CPSF4: variants seen among roughly 807,000 people sequenced by gnomAD.
CPSF4 encodes the protein cleavage and polyadenylation specific factor 4.
Under a neutral mutation model 37.7 loss-of-function variants are expected in CPSF4, and 11 were observed. That is an observed-to-expected ratio of 0.29 (90% CI 0.18 to 0.48). The LOEUF is 0.48. CPSF4 is among the 20% of genes least tolerant of loss of function. CPSF4 has a pLI of 0.99. For missense variants in CPSF4, 144 were observed against 359.5 expected, an observed-to-expected ratio of 0.40 and a Z score of 4.85; for synonymous variants, 132 against 135.9, an observed-to-expected ratio of 0.97 and a Z score of 0.20.
intron 2 of CPSF4, among the ~76,000 whole-genome samples, chr7:99,445,368 C>A (rs549299387): frequency 6.6e-6 from 1 of 151,946 alleles, no homozygotes. Flanking sequence ...GAGCCGAGAT[C>A]GTGCCATTGC....
At chr7:99,439,312 TC>T in intron 1 of CPSF4, 127 bp downstream of exon 1, 1 of 636,278 alleles carries the variant, frequency 1.6e-6, no homozygotes, top group Non-Finnish European at 2.6e-6. Context: ...CTGGGACCCC[TC>T]CCCTTTGGTC....
chr7:99,439,057 G>T lies in CPSF4; in HGVS notation c.-26G>T. On this transcript the variant is annotated 5_prime_UTR_variant, in exon 1 of 8. Transcript: ENST00000292476. The stretch of plus-strand genomic sequence containing the variant: ...GGCTGCAGGAGACCGAGGGGGAGCC[G>T]GGCCGGTGGGGCCGCCGCCGCCGCC... The T allele has an allele frequency of 1.9e-6, 3 of 1,593,140 alleles. No individual in the cohort carries two copies. Among genetic ancestry groups the T allele is most frequent in the Non-Finnish European group, 2.6e-6 (3 of 1,171,266 alleles).
chr7:99,452,019 G>C (rs949488453), intron 5 of CPSF4, among the ~76,000 whole-genome samples: 6 of 152,188 alleles, frequency 3.9e-5, no homozygotes, highest in Non-Finnish European at 7.4e-5. Flanking sequence ...CTGCGGGGAG[G>C]GGGGCTTCCC....
chr7:99,454,949 G>C (rs1321805874), intron 7 of CPSF4, among the ~76,000 whole-genome samples: 1 of 152,124 alleles, frequency 6.6e-6, no homozygotes, highest in East Asian at 1.9e-4. Flanking sequence ...CAGCTACTGG[G>C]GAGGCTTAGA....
chr7:99,440,491 G>C (rs1467396844), intron 1 of CPSF4, among the ~76,000 whole-genome samples: 1 of 151,524 alleles, frequency 6.6e-6, no homozygotes, highest in Admixed American at 6.6e-5. Context: ...TGGGACCACA[G>C]GCATGCACCA....
Position 99,454,007 on chromosome 7 carries a change from C to CCAGT in CPSF4, c.613_616dup (p.Leu206SerfsTer110). ...CATTACAAAGGTCGTCCTCCTTGAT[C>CCAGT]CAGTTAACGAGTCAGAACTCTTCTC... On this transcript the variant is annotated frameshift_variant, in exon 7 of 8. Coordinates refer to ENST00000292476, the MANE Select transcript of CPSF4 (RefSeq NM_006693.4). LOFTEE classifies it high-confidence loss of function. 1 of 1,614,214 alleles carries CCAGT rather than the reference C, an allele frequency of 6.2e-7. No individual in the cohort carries two copies. Among genetic ancestry groups the CCAGT allele is most frequent in the Non-Finnish European group, 8.5e-7 (1 of 1,180,030 alleles).
rs1472070192 is a variant in CPSF4 at position 99,444,805 on chromosome 7, CTG to C, written c.123_124del (p.Cys41Ter). ...TTTCTACAGAGTCGGGCGCTGCTGTCTGTGAATTCTTTTTGAAAGCTGCCTGC... is the reference window on the plus strand; with the variant it reads ...TTTCTACAGAGTCGGGCGCTGCTGTCTGAATTCTTTTTGAAAGCTGCCTGC... ...PGMDKSGAAV[C>X]EFFLKAACGK... is the part of the protein sequence containing the mutation. On this transcript the variant is annotated frameshift_variant, in exon 2 of 8. Coordinates refer to ENST00000292476, the MANE Select transcript of CPSF4 (RefSeq NM_006693.4). LOFTEE classifies it high-confidence loss of function. The C allele has an allele frequency of 6.2e-7, 1 of 1,613,866 alleles. No homozygotes were observed. Among genetic ancestry groups the C allele is most frequent in the Admixed American group, 1.7e-5 (1 of 60,008 alleles).
Position 99,454,098 on chromosome 7 carries a change from C to T in CPSF4, c.703C>T (p.Arg235Trp). The change falls in exon 7 of 8, where the codon CGG becomes TGG. Residue 235 changes from arginine to tryptophan, a missense_variant. This residue lies in a region of CPSF4 where 86 missense variants were observed against 141.5 expected (regional missense o/e 0.61). Transcript: ENST00000292476. ...GAGTCAAAACAGCAGCGCGGGCAAC[C>T]GGGGACCCCGGCCACTGGAGCAGGT... ...MQSQNSSAGN[R>W]GPRPLEQVTC... 6 of 1,614,108 alleles carry T rather than the reference C, an allele frequency of 3.7e-6. No homozygotes were observed. Among genetic ancestry groups the T allele is most frequent in the Non-Finnish European group, 5.1e-6 (6 of 1,179,996 alleles).
chr7:99,453,220 A>AC lies in CPSF4; in HGVS notation c.571-744dup, dbSNP rs1562865016. 1 of 152,354 alleles carries AC rather than the reference A, an allele frequency of 6.6e-6. No homozygotes were observed. The highest frequency in any genetic ancestry group is 6.6e-5 in the Admixed American group (1 of 15,264). The allele number at this position is 152,354 out of a possible 1,614,324, so 9.4% of individuals were successfully genotyped here. ...AACCACCTCCTGAGCCCAATGCCTCACCTCCTACCCTGCTGGGCTCTGGAC... is the reference window on the plus strand; with the variant it reads ...AACCACCTCCTGAGCCCAATGCCTCACCCTCCTACCCTGCTGGGCTCTGGAC... On this transcript the variant is annotated intron_variant, in intron 6 of 7. Transcript: ENST00000292476. This position sits in a 1 kb window ranked among gnomAD's most constrained non-coding sequence, Gnocchi z 4.7.
At position 99,453,801 on chromosome 7, in the gene CPSF4, TCAC is replaced by T. The variant is rs146571328; in HGVS notation, c.571-161_571-159del. The stretch of plus-strand genomic sequence containing the variant: ...TTTCGGGCAGTGGCTTCTGCCATCA[TCAC>T]CACATGTTTCTCTGCTGCCCACTGT... On this transcript the variant is annotated intron_variant, in intron 6 of 7. Coordinates refer to ENST00000292476, the MANE Select transcript of CPSF4 (RefSeq NM_006693.4). This position sits in a 1 kb window ranked among gnomAD's most constrained non-coding sequence, Gnocchi z 4.7. 2,999 of 636,108 alleles carry T rather than the reference TCAC, an allele frequency of 4.7e-3. 73 individuals are homozygous for T. In the African/African-American group the frequency reaches 0.05, roughly 11 times the overall value. 39.4% of individuals were successfully genotyped at this position (636,108 alleles called of 1,614,324 possible).
chr7:99,456,400 T>C (rs1291554311), intron 7 of CPSF4, 32 bp from the exon 8 acceptor site: 2 of 1,606,818 alleles, frequency 1.2e-6, no homozygotes, highest in Non-Finnish European at 1.7e-6. Flanking sequence ...GTTGTCTGTC[T>C]CTCCTCTTCC....
chr7:99,441,306 G>A, intron 1 of CPSF4: 1 of 428,670 alleles, frequency 2.3e-6, no homozygotes, highest in Non-Finnish European at 4.7e-6. Context: ...CCCACGCAGG[G>A]CAGCTCTTTT....
rs531549826 is a variant in CPSF4, at chr7:99,446,811, C to T, written c.155-1310C>T. On this transcript the variant is annotated intron_variant, in intron 2 of 7. Transcript: ENST00000292476. Reference sequence around the variant, plus strand: ...TTTTTTTTTTTTTTTTTTTTTTTAACGGAGTTTTGCTCTTGTTGCCCAGGC... The same window carrying T: ...TTTTTTTTTTTTTTTTTTTTTTTAATGGAGTTTTGCTCTTGTTGCCCAGGC... 1.1e-4 allele frequency among the ~76,000 whole-genome samples: 4 copies of T among 35,150 alleles called. No homozygotes were observed. In the East Asian group the frequency reaches 2.1e-3, roughly 18 times the overall value. 23.1% of individuals were successfully genotyped at this position (35,150 alleles called of 152,430 possible).
In CPSF4 at chr7:99,448,457, CTCTTTTTTTT is replaced by C. The variant is rs1355959664; in HGVS notation, c.307+186_307+195del. The C allele has an allele frequency of 2.2e-6, 1 of 445,760 alleles. No homozygotes were observed. The highest frequency in any genetic ancestry group is 4.1e-5 in the East Asian group (1 of 24,356). The allele number at this position is 445,760 out of a possible 1,614,324, so 27.6% of individuals were successfully genotyped here. A position where few individuals can be genotyped will look rare whatever the true frequency, so the allele number is the denominator to read the frequency against. On this transcript the variant is annotated intron_variant, in intron 3 of 7. Transcript: ENST00000292476. This position sits in a 1 kb window ranked among gnomAD's most constrained non-coding sequence, Gnocchi z 4.4. Reference sequence around the variant, plus strand: ...GACAGTGTGGCTATTTTCTGCTCATCTCTTTTTTTTTTTTTTTTTTTTTAAAGACATAGGG... The same window carrying C: ...GACAGTGTGGCTATTTTCTGCTCATCTTTTTTTTTTTTTAAAGACATAGGG...
chr7:99,452,544 T>C, intron 6 of CPSF4, 104 bp downstream of exon 6: 1 of 1,031,500 alleles, frequency 9.7e-7, no homozygotes, highest in South Asian at 1.3e-5. Context: ...GCTGGACAAC[T>C]TGGGAGAGGA....
At chr7:99,443,373 A>G (rs946659186) in intron 1 of CPSF4, 3 of 1,381,486 alleles carry the variant, frequency 2.2e-6, no homozygotes, top group African/African-American at 2.8e-5. Flanking sequence ...ATGTTCTTCA[A>G]GATATGCCTG....
At chr7:99,445,659 G>A (rs913791916) in intron 2 of CPSF4, among the ~76,000 whole-genome samples, 1 of 152,162 alleles carries the variant, frequency 6.6e-6, no homozygotes, top group Non-Finnish European at 1.5e-5. Flanking sequence ...CGAGGTGGAT[G>A]GATCACCTGA....
At chr7:99,439,883 C>T (rs1216821866) in intron 1 of CPSF4, among the ~76,000 whole-genome samples, 1 of 152,100 alleles carries the variant, frequency 6.6e-6, no homozygotes, top group African/African-American at 2.4e-5. Flanking sequence ...CCCGTCCCTA[C>T]TTTTTTCTGG....
At chr7:99,451,174 T>C (rs1584509159) in intron 5 of CPSF4, 1 of 175,126 alleles carries the variant, frequency 5.7e-6, no homozygotes, top group South Asian at 1.5e-4. Flanking sequence ...AACCCTGAGC[T>C]TGGGGTTTCA....
Sources: allele counts gnomAD v4.1 joint callset (sites outside exome capture counted in the v4.1 genomes callset), GRCh38; gene constraint gnomAD v4.1.1; regional missense constraint gnomAD v4.1.1; non-coding constraint Gnocchi (gnomAD v3.1); transcripts MANE v1.5; gene names NCBI Gene and HGNC (gene_info 2026-07-23, HGNC 2026-07-21).